Variants in DUSP29 observed in about 807,000 individuals in gnomAD.
DUSP29 encodes atypical dual-specific protein phosphatase.
Under a neutral mutation model 13.5 loss-of-function variants are expected in DUSP29, and 12 were observed. That is an observed-to-expected ratio of 0.89 (90% CI 0.57 to 1.44). DUSP29 has a LOEUF of 1.44. Among genes scored for constraint, DUSP29 ranks in the 40% most tolerant of loss-of-function variants. The pLI is 0.00. For missense variants in DUSP29, 308 were observed against 301.1 expected (o/e 1.02, Z -0.17); for synonymous variants, 134 against 128.7 (o/e 1.04, Z -0.28).
chr10:75,060,572 T>C (rs191172570), intron 1 of DUSP29, among the ~76,000 whole-genome samples: 3 of 152,164 alleles, frequency 2.0e-5, no homozygotes, highest in African/African-American at 7.2e-5. Context: ...AGAATCTGCA[T>C]GTATTGCTTC....
intron 2 of DUSP29, among the ~76,000 whole-genome samples, chr10:75,045,047 G>A (rs560769989): frequency 2.2e-4 from 34 of 152,302 alleles, no homozygotes; most frequent in African/African-American, 7.2e-4. Context: ...GCACTGTGCT[G>A]GGTGCTGATG....
chr10:75,068,629 C>A (rs1847254802), intron 1 of DUSP29, among the ~76,000 whole-genome samples: 1 of 152,042 alleles, frequency 6.6e-6, no homozygotes, highest in South Asian at 2.1e-4. Flanking sequence ...ATGACACCAC[C>A]CAAGTTGGGC....
At chr10:75,063,099 C>G (rs1393342378) in intron 1 of DUSP29, among the ~76,000 whole-genome samples, 1 of 152,178 alleles carries the variant, frequency 6.6e-6, no homozygotes, top group African/African-American at 2.4e-5. Flanking sequence ...CTGTTGGCCT[C>G]AGGCAAGAGA....
chr10:75,040,175 C>CA (rs1472461637), intron 3 of DUSP29, among the ~76,000 whole-genome samples: 1 of 151,832 alleles, frequency 6.6e-6, no homozygotes, highest in Non-Finnish European at 1.5e-5. Context: ...GATTCCGTCT[C>CA]AAAAAAACAA....
chr10:75,060,864 A>G (rs914261555), intron 1 of DUSP29, among the ~76,000 whole-genome samples: 1 of 152,238 alleles, frequency 6.6e-6, no homozygotes, highest in African/African-American at 2.4e-5. Context: ...CAGTTACGTT[A>G]TACCACAGGG....
At chr10:75,060,627 T>A (rs1295722726) in intron 1 of DUSP29, among the ~76,000 whole-genome samples, 1 of 152,244 alleles carries the variant, frequency 6.6e-6, no homozygotes, top group East Asian at 1.9e-4. Flanking sequence ...CGGGAAATGT[T>A]CTTTTATAGA....
chr10:75,065,176 A>C (rs1009350838), intron 1 of DUSP29, among the ~76,000 whole-genome samples: 1 of 152,166 alleles, frequency 6.6e-6, no homozygotes, highest in African/African-American at 2.4e-5. Context: ...AACAAACAAA[A>C]AAACAAAAAA....
chr10:75,043,938 C>G lies in DUSP29; in HGVS notation c.280G>C (p.Val94Leu). The G allele has an allele frequency of 1.9e-6, 3 of 1,613,754 alleles. No homozygotes were observed. The highest frequency in any genetic ancestry group is 2.5e-6 in the Non-Finnish European group (3 of 1,179,928). ...VLNAAHGRWN[V>L]DTGPDYYRDM... ...CGGTAGTAGTCGGGCCCAGTGTCCA[C>G]GTTCCAGCGGCCGTGGGCCGCGTTC... The change falls in exon 3 of 4, where the codon GTG (valine) becomes CTG (leucine). Residue 94 changes from valine (V) to leucine (L), a missense_variant. By Grantham distance (32) the Val-to-Leu change is conservative. Transcript: ENST00000338487.
intron 1 of DUSP29, among the ~76,000 whole-genome samples, chr10:75,071,674 C>A (rs956482730): frequency 1.3e-5 from 2 of 152,232 alleles, no homozygotes; most frequent in African/African-American, 4.8e-5. Context: ...GATCCTGATA[C>A]CGGAGGAGGG....
At chr10:75,065,042 A>C (rs962065293) in intron 1 of DUSP29, among the ~76,000 whole-genome samples, 2 of 152,158 alleles carry the variant, frequency 1.3e-5, no homozygotes, top group African/African-American at 4.8e-5. Flanking sequence ...GGGGCCTGGC[A>C]CTGTCACTGG....
At chr10:75,065,599 G>T (rs1188756396) in intron 1 of DUSP29, among the ~76,000 whole-genome samples, 1 of 152,112 alleles carries the variant, frequency 6.6e-6, no homozygotes, top group South Asian at 2.1e-4. Context: ...AAAGTGCTGG[G>T]ATTACAGGCA....
chr10:75,037,621 G>A lies in DUSP29; in HGVS notation c.*215C>T, dbSNP rs141002097. 3.1e-3 allele frequency among the ~76,000 whole-genome samples: 471 copies of A among 152,276 alleles called. 1 individual carries two copies. Among genetic ancestry groups the A allele is most frequent in the African/African-American group, 8.8e-3 (364 of 41,556 alleles). On this transcript the variant is annotated 3_prime_UTR_variant, in exon 4 of 4. Transcript: ENST00000338487. ...TCTGTGACCCAGAGCCGGGGAGCCC[G>A]TCCCTCCCATTTTGCTGAGAGGCTG... is the stretch of plus-strand genomic sequence containing the variant.
chr10:75,070,070 A>AAAGGAAGGAAGGAAGGAAGG (rs71024533), intron 1 of DUSP29, among the ~76,000 whole-genome samples: 1 of 105,362 alleles, frequency 9.5e-6, no homozygotes, highest in African/African-American at 3.7e-5. Context: ...AAGAAAGAAG[A>AAAGGAAGGAAGGAAGGAAGG]AAGGAAGGAA....
At chr10:75,048,525 G>A (rs918901406) in intron 2 of DUSP29, among the ~76,000 whole-genome samples, 6 of 151,662 alleles carry the variant, frequency 4.0e-5, no homozygotes, top group East Asian at 1.9e-4. Flanking sequence ...TCAGCCTCCC[G>A]AGTAGCTGAG....
chr10:75,065,847 C>T (rs1284053789), intron 1 of DUSP29, among the ~76,000 whole-genome samples: 1 of 152,058 alleles, frequency 6.6e-6, no homozygotes, highest in Non-Finnish European at 1.5e-5. Flanking sequence ...TGTGCCACCA[C>T]ACCCAGCTAA....
Position 75,037,870 on chromosome 10 carries a change from T to G in DUSP29, c.629A>C (p.Gln210Pro). The stretch of plus-strand genomic sequence containing the variant: ...CCTGCCATCCTCCTCCTCACCGTCC[T>G]GGCGCTGGGACCGTCGCCTCTGCTG... ...LVQQRRRSQRQDGEEEDGREL is the reference protein window; with the variant it reads ...LVQQRRRSQRPDGEEEDGREL The change falls in exon 4 of 4, where the codon CAG becomes CCG. Residue 210 changes from glutamine (Q) to proline (P), a missense_variant. Coordinates refer to ENST00000338487, the MANE Select transcript of DUSP29 (RefSeq NM_001003892.3). 1 of 1,611,562 alleles carries G rather than the reference T, an allele frequency of 6.2e-7. No homozygotes were observed. Among genetic ancestry groups the G allele is most frequent in the South Asian group, 1.1e-5 (1 of 91,026 alleles).
Position 75,063,593 on chromosome 10 carries a change from C to T in DUSP29, c.-34-5045G>A, listed in dbSNP as rs550472360. On this transcript the variant is annotated intron_variant, in intron 1 of 3. Transcript: ENST00000338487. ...TCCTGCACAGTCTCCTGGAGGCTGG[C>T]CCGTGTGTTGGAGCTCCAGTTGCCC... Among the ~76,000 whole-genome samples, 622 of 152,166 alleles carry T rather than the reference C, an allele frequency of 4.1e-3. 4 individuals carry two copies. Among genetic ancestry groups the T allele is most frequent in the African/African-American group, 0.015 (602 of 41,506 alleles).
At chr10:75,069,356 G>T (rs781010350) in intron 1 of DUSP29, among the ~76,000 whole-genome samples, 1 of 152,166 alleles carries the variant, frequency 6.6e-6, no homozygotes, top group Non-Finnish European at 1.5e-5. Context: ...GACCAGGCCC[G>T]TTGTGGTTCC....
At chr10:75,038,478 G>A (rs960583563) in intron 3 of DUSP29, among the ~76,000 whole-genome samples, 4 of 152,066 alleles carry the variant, frequency 2.6e-5, no homozygotes, top group African/African-American at 9.7e-5. Flanking sequence ...TGTCCAGCTG[G>A]ATGAATGTCC....
Sources: gnomAD v4.1 joint callset for allele counts (sites outside exome capture counted in the v4.1 genomes callset) on GRCh38, gnomAD v4.1.1 for gene constraint, MANE v1.5 for transcripts, NCBI Gene and HGNC (gene_info 2026-07-23, HGNC 2026-07-21) for gene names.